The following TM4SF18 variants were observed in gnomAD, a reference collection of about 807,000 sequenced individuals.
TM4SF18 encodes the protein transmembrane 4 L six family member 18, also known as transmembrane 4 L6 family member 18.
Under a neutral mutation model 23.8 loss-of-function variants are expected in TM4SF18, and 22 were observed. That is an observed-to-expected ratio of 0.92 (90% confidence interval 0.66 to 1.32). TM4SF18 has a LOEUF of 1.32. TM4SF18 is among the 40% of genes most tolerant of loss of function. The probability of loss-of-function intolerance (pLI) is 0.00; values close to 1 mark genes in which losing one functional copy is unlikely to be tolerated. For missense variants in TM4SF18, 255 were observed against 240.3 expected (o/e 1.06, Z -0.41); for synonymous variants, 87 against 87.9 (o/e 0.99, Z 0.06).
chr3:149,322,905 C>CTTTTTTTTTTTTT (rs34338382), intron 4 of TM4SF18, among the ~76,000 whole-genome samples: 7 of 128,768 alleles, frequency 5.4e-5, no homozygotes, highest in Admixed American at 1.6e-4. Flanking sequence ...GGCCTCCAGA[C>CTTTTTTTTTTTTT]TTTTTTTTTT....
intron 3 of TM4SF18, among the ~76,000 whole-genome samples, chr3:149,329,602 A>G (rs1433464395): frequency 6.6e-6 from 1 of 152,218 alleles, no homozygotes; most frequent in Non-Finnish European, 1.5e-5. Flanking sequence ...ATGTGAAAGA[A>G]CTATAAAGTG....
rs567930093 is a variant in TM4SF18 at position 149,330,961 on chromosome 3, T to C, written c.178-542A>G. Among the ~76,000 whole-genome samples the C allele has an allele frequency of 7.2e-5, 11 of 152,328 alleles. No homozygotes were observed. In the South Asian group the frequency reaches 2.3e-3, roughly 32 times the overall value. Reference sequence around the variant, plus strand: ...CTCAGGTTTAAATTGTTTCAATGTGTTTTGTCTGTATCAAGCCAACAAAGT... The same window carrying C: ...CTCAGGTTTAAATTGTTTCAATGTGCTTTGTCTGTATCAAGCCAACAAAGT... On this transcript the variant is annotated intron_variant, in intron 2 of 5. Coordinates refer to ENST00000296059, the MANE Select transcript of TM4SF18 (RefSeq NM_138786.4).
Position 149,319,404 on chromosome 3 carries a change from T to C in TM4SF18, c.*2074A>G, listed in dbSNP as rs572138838. ...CTTGGTCCAAGTCCTTCAGACCTCATATTTAAGTTCTTTGGAAAGTAGAGT... is the reference window on the plus strand; with the variant it reads ...CTTGGTCCAAGTCCTTCAGACCTCACATTTAAGTTCTTTGGAAAGTAGAGT... On this transcript the variant is annotated 3_prime_UTR_variant, in exon 6 of 6. Coordinates refer to ENST00000296059, the MANE Select transcript of TM4SF18 (RefSeq NM_138786.4). 21 of 152,202 alleles carry C rather than the reference T, an allele frequency of 1.4e-4. No homozygotes were observed. The highest frequency in any genetic ancestry group is 2.6e-4 in the Non-Finnish European group (18 of 68,030). 9.4% of individuals were successfully genotyped at this position (152,202 alleles called of 1,614,324 possible).
In TM4SF18 at chr3:149,319,434, T is replaced by C. The variant is rs1438588460; in HGVS notation, c.*2044A>G. On this transcript the variant is annotated 3_prime_UTR_variant, in exon 6 of 6. Transcript: ENST00000296059. ...AAGTTCTTTGGAAAGTAGAGTGTTA[T>C]TGAATGAAGCTCTGTAAAACTCTGG... 2.6e-5 allele frequency: 4 copies of C among 152,354 alleles called. No individual in the cohort carries two copies. The highest frequency in any genetic ancestry group is 6.5e-5 in the Admixed American group (1 of 15,300). The allele number at this position is 152,354 out of a possible 1,614,324, so 9.4% of individuals were successfully genotyped here.
At chr3:149,326,221 G>T (rs537638103) in intron 3 of TM4SF18, among the ~76,000 whole-genome samples, 1 of 152,130 alleles carries the variant, frequency 6.6e-6, no homozygotes, top group East Asian at 1.9e-4. Flanking sequence ...TAGTCTTTCT[G>T]CCTTTTTGTT....
Position 149,321,384 on chromosome 3 carries a change from A to T in TM4SF18, c.*94T>A. The T allele has an allele frequency of 1.1e-6, 1 of 927,762 alleles. No homozygotes were observed. The highest frequency in any genetic ancestry group is 1.6e-6 in the Non-Finnish European group (1 of 636,554). The allele number at this position is 927,762 out of a possible 1,614,324, so 57.5% of individuals were successfully genotyped here. On this transcript the variant is annotated 3_prime_UTR_variant, in exon 6 of 6. Transcript: ENST00000296059. ...CAAATAAACACCAAATGCAGAAAGC[A>T]CCATCATTTCAATATTGCCCTCAAG...
At chr3:149,332,254 T>C (rs1731102846) in intron 2 of TM4SF18, among the ~76,000 whole-genome samples, 1 of 152,204 alleles carries the variant, frequency 6.6e-6, no homozygotes, top group Non-Finnish European at 1.5e-5. Context: ...TGAAAATTGC[T>C]TTACAACACA....
chr3:149,329,943 C>G (rs2108362641), intron 3 of TM4SF18: 1 of 154,944 alleles, frequency 6.5e-6, no homozygotes, highest in Non-Finnish European at 1.4e-5. Context: ...GTTATCTTGA[C>G]TGCAATGGTG....
Position 149,326,847 on chromosome 3 carries a change from C to T in TM4SF18, c.268-1825G>A, listed in dbSNP as rs116642735. 7.5e-3 allele frequency among the ~76,000 whole-genome samples: 1,142 copies of T among 152,320 alleles called. 9 individuals carry two copies. The highest frequency in any genetic ancestry group is 0.034 in the South Asian group (164 of 4,832). On this transcript the variant is annotated intron_variant, in intron 3 of 5. Coordinates refer to ENST00000296059, the MANE Select transcript of TM4SF18 (RefSeq NM_138786.4). ...CCTATGCCCTTTGACATACTCATGT[C>T]ATTCTTTGAACATTTTCTTGCTTTC...
intron 3 of TM4SF18, chr3:149,329,786 A>G (rs1160794051): frequency 6.6e-6 from 1 of 152,216 alleles, no homozygotes; most frequent in African/African-American, 2.4e-5. Flanking sequence ...AACAATATGG[A>G]TGAATCTAAA....
rs528709488 is a variant in TM4SF18 at position 149,331,163 on chromosome 3, T to TTAA, written c.178-745_178-744insTTA. ...TCTCCACCCATTTTTTTACTCTCAC[T>TTAA]ATTTAGGACTGAATCCCACAGCTGA... On this transcript the variant is annotated intron_variant, in intron 2 of 5. Coordinates refer to ENST00000296059, the MANE Select transcript of TM4SF18 (RefSeq NM_138786.4). 3.2e-3 allele frequency among the ~76,000 whole-genome samples: 482 copies of TTAA among 152,322 alleles called. 4 individuals carry two copies. The highest frequency in any genetic ancestry group is 0.011 in the African/African-American group (446 of 41,578).
intron 3 of TM4SF18, among the ~76,000 whole-genome samples, chr3:149,326,052 G>A (rs1442596026): frequency 1.3e-5 from 2 of 151,956 alleles, no homozygotes; most frequent in African/African-American, 4.8e-5. Flanking sequence ...GAGCCATTAG[G>A]TTGCAGACAT....
intron 2 of TM4SF18, among the ~76,000 whole-genome samples, chr3:149,331,390 A>G (rs1013959917): frequency 1.3e-5 from 2 of 152,276 alleles, no homozygotes; most frequent in African/African-American, 4.8e-5. Flanking sequence ...CCTAGTTTTA[A>G]TTTTTACATG....
At chr3:149,325,742 G>T (rs534195347) in intron 3 of TM4SF18, among the ~76,000 whole-genome samples, 1 of 152,306 alleles carries the variant, frequency 6.6e-6, no homozygotes, top group East Asian at 1.9e-4. Flanking sequence ...AGTACAGCTT[G>T]GTAGATCCAG....
intron 3 of TM4SF18, chr3:149,330,014 CTTA>C (rs1250758417): frequency 1.2e-4 from 21 of 181,534 alleles, no homozygotes; most frequent in Non-Finnish European, 1.9e-4. Flanking sequence ...ATGGATGCCA[CTTA>C]TTATATGTAA....
chr3:149,326,223 C>T (rs769919246), intron 3 of TM4SF18, among the ~76,000 whole-genome samples: 9 of 152,188 alleles, frequency 5.9e-5, no homozygotes, highest in Admixed American at 1.3e-4. Flanking sequence ...GTCTTTCTGC[C>T]TTTTTGTTTT....
In TM4SF18 at chr3:149,331,218, A is replaced by G. The variant is rs573875183; in HGVS notation, c.178-799T>C. On this transcript the variant is annotated intron_variant, in intron 2 of 5. Coordinates refer to ENST00000296059, the MANE Select transcript of TM4SF18 (RefSeq NM_138786.4). ...ACTGTTATTTTACTCTTCGTAGCCAATGTTTCTAGTTTCCAAATTTCTTCA... is the reference window on the plus strand; with the variant it reads ...ACTGTTATTTTACTCTTCGTAGCCAGTGTTTCTAGTTTCCAAATTTCTTCA... Among the ~76,000 whole-genome samples, 288 of 152,260 alleles carry G rather than the reference A, an allele frequency of 1.9e-3. 1 individual carries two copies. Among genetic ancestry groups the G allele is most frequent in the African/African-American group, 6.7e-3 (278 of 41,562 alleles).
Position 149,319,870 on chromosome 3 carries a change from A to G in TM4SF18, c.*1608T>C, listed in dbSNP as rs1730766248. The G allele has an allele frequency of 6.6e-6, 1 of 152,138 alleles. No homozygotes were observed. The highest frequency in any genetic ancestry group is 2.4e-5 in the African/African-American group (1 of 41,434). 9.4% of individuals were successfully genotyped at this position (152,138 alleles called of 1,614,324 possible). ...TTGAATAACCACCAGTCTTGTTTGG[A>G]CAGTGTTTTACTCCAGGCTAAGTCA... On this transcript the variant is annotated 3_prime_UTR_variant, in exon 6 of 6. Coordinates refer to ENST00000296059, the MANE Select transcript of TM4SF18 (RefSeq NM_138786.4).
At chr3:149,327,548 G>T (rs1042782703) in intron 3 of TM4SF18, among the ~76,000 whole-genome samples, 1 of 152,126 alleles carries the variant, frequency 6.6e-6, no homozygotes, top group Non-Finnish European at 1.5e-5. Flanking sequence ...ATTTGGTTTG[G>T]GGGAAAAATT....
Sources: allele counts gnomAD v4.1 joint callset (sites outside exome capture counted in the v4.1 genomes callset), GRCh38; gene constraint gnomAD v4.1.1; transcripts MANE v1.5; gene names NCBI Gene and HGNC (gene_info 2026-07-23, HGNC 2026-07-21).